The following STIM1 variants were observed in gnomAD, a reference collection of about 807,000 sequenced individuals.
The protein encoded by STIM1 is stromal interaction molecule 1.
A neutral mutation model predicts 74.7 loss-of-function variants in STIM1; 25 were observed. The observed-to-expected ratio is 0.33, with a 90% CI of 0.24 to 0.47. The LOEUF (loss-of-function observed/expected upper bound fraction) is 0.47, where lower values mean the gene tolerates loss of function less well. Ranked by LOEUF, STIM1 falls within the 20% of genes least tolerant of loss-of-function variation. The pLI is 1.00. For missense variants in STIM1, 728 were observed against 920.8 expected, an observed-to-expected ratio of 0.79 and a Z score of 2.71; for synonymous variants, 328 against 348.8, an observed-to-expected ratio of 0.94 and a Z score of 0.66.
chr11:3,894,301 C>A (rs914046814), intron 1 of STIM1, among the ~76,000 whole-genome samples: 2 of 152,036 alleles, frequency 1.3e-5, no homozygotes, highest in African/African-American at 2.4e-5. Flanking sequence ...TAAACTCTTA[C>A]AACAAAAAGG....
chr11:3,877,391 A>T (rs1279209693), intron 1 of STIM1, among the ~76,000 whole-genome samples: 1 of 152,060 alleles, frequency 6.6e-6, no homozygotes, highest in Non-Finnish European at 1.5e-5. Context: ...GGTCACATTT[A>T]CACTGTAGGT....
chr11:4,083,519 G>A, intron 10 of STIM1, 21 bp downstream of exon 10: 1 of 1,598,698 alleles, frequency 6.3e-7, no homozygotes, highest in South Asian at 1.1e-5. Context: ...TCTTTGCGGG[G>A]ATGAAGGAAG....
Position 4,091,740 on chromosome 11 carries a change from C to G in STIM1, c.2093C>G (p.Ser698Cys), listed in dbSNP as rs766934652. The G allele has an allele frequency of 3.1e-6, 5 of 1,612,972 alleles. No individual in the cohort carries two copies. The South Asian group carries it at 4.4e-5, about 14-fold the overall frequency. ...DNGSIGEETDSSPGRKKFPLK... is the reference protein window; with the variant it reads ...DNGSIGEETDCSPGRKKFPLK... ...GGCTCTATTGGCGAGGAAACAGACTCCAGCCCAGGCCGGAAGAAGTTTCCC... is the reference window on the plus strand; with the variant it reads ...GGCTCTATTGGCGAGGAAACAGACTGCAGCCCAGGCCGGAAGAAGTTTCCC... The change falls in exon 13 of 13, where the codon TCC (serine) becomes TGC (cysteine). Residue 698 changes from serine (S) to cysteine (C), a missense_variant. Ser to Cys is a moderately radical substitution (Grantham distance 112). Coordinates refer to ENST00000526596, the MANE Select transcript of STIM1 (RefSeq NM_001382567.1).
At chr11:3,973,100 G>A (rs2093412227) in intron 2 of STIM1, 2 of 426,566 alleles carry the variant, frequency 4.7e-6, no homozygotes, top group African/African-American at 2.0e-5. Flanking sequence ...CACTTCCATA[G>A]CCTCTGCTTC....
chr11:3,918,542 AAAG>A (rs200204726), intron 1 of STIM1, among the ~76,000 whole-genome samples: 16,849 of 69,750 alleles, frequency 0.24, 1,618 homozygotes, highest in East Asian at 0.39. Context: ...TCAAAAAAAA[AAAG>A]AAAGAAAGAA....
intron 2 of STIM1, among the ~76,000 whole-genome samples, chr11:3,994,150 T>C (rs2093640580): frequency 6.6e-6 from 1 of 152,236 alleles, no homozygotes; most frequent in Non-Finnish European, 1.5e-5. Flanking sequence ...GTTGACATCC[T>C]CTCACTTCAG....
Position 3,916,179 on chromosome 11 carries a change from G to A in STIM1, c.140-51373G>A, listed in dbSNP as rs921776471. On this transcript the variant is annotated intron_variant, in intron 1 of 12. Coordinates refer to ENST00000526596, the MANE Select transcript of STIM1 (RefSeq NM_001382567.1). ...ATGTTTTACCTCAAAGAGTTTTATG[G>A]TTTAGCACTTATATTTAGGTCATTG... Among the ~76,000 whole-genome samples the A allele has an allele frequency of 3.5e-4, 53 of 152,232 alleles. 1 individual carries two copies. Among genetic ancestry groups the A allele is most frequent in the Admixed American group, 3.4e-3 (52 of 15,292 alleles).
chr11:3,891,763 C>A (rs1350129550), intron 1 of STIM1, among the ~76,000 whole-genome samples: 1 of 152,092 alleles, frequency 6.6e-6, no homozygotes, highest in Non-Finnish European at 1.5e-5. Context: ...ATGTAACCAC[C>A]ACCTAGATCA....
chr11:3,892,071 G>T (rs1226880741), intron 1 of STIM1, among the ~76,000 whole-genome samples: 2 of 152,260 alleles, frequency 1.3e-5, no homozygotes, highest in Non-Finnish European at 2.9e-5. Context: ...TGTAGACAAA[G>T]ACCTTGATTT....
At chr11:3,969,887 C>CAAA (rs2093374949) in intron 2 of STIM1, among the ~76,000 whole-genome samples, 1 of 152,168 alleles carries the variant, frequency 6.6e-6, no homozygotes, top group African/African-American at 2.4e-5. Flanking sequence ...GTGTCACTGA[C>CAAA]CTGTAAAGGA....
At chr11:4,019,586 GATC>G (rs2093936475) in intron 2 of STIM1, among the ~76,000 whole-genome samples, 1 of 151,840 alleles carries the variant, frequency 6.6e-6, no homozygotes, top group African/African-American at 2.4e-5. Context: ...GAGGCAGGAG[GATC>G]ACCCAGCCTG....
intron 1 of STIM1, among the ~76,000 whole-genome samples, chr11:3,883,489 G>T (rs926460476): frequency 6.6e-6 from 1 of 152,332 alleles, no homozygotes; most frequent in South Asian, 2.1e-4. Flanking sequence ...GAGTAGCTGG[G>T]ATTACAGGCA....
intron 1 of STIM1, among the ~76,000 whole-genome samples, chr11:3,858,224 A>C (rs1473876022): frequency 6.6e-6 from 1 of 150,390 alleles, no homozygotes; most frequent in East Asian, 2.0e-4. Flanking sequence ...TTGGCTGGCT[A>C]TTAGGAAGGT....
intron 1 of STIM1, among the ~76,000 whole-genome samples, chr11:3,886,193 T>C (rs560702601): frequency 4.1e-4 from 62 of 152,366 alleles, no homozygotes; most frequent in African/African-American, 1.4e-3. Flanking sequence ...GCTTGAATTC[T>C]TTATAGAAAA....
In STIM1 at chr11:4,084,748, C is replaced by T; in HGVS notation, c.1550C>T (p.Ser517Phe). 7.8e-7 allele frequency: 1 copy of T among 1,289,396 alleles called. No individual in the cohort carries two copies. The highest frequency in any genetic ancestry group is 1.0e-6 in the Non-Finnish European group (1 of 988,880). 79.9% of individuals were successfully genotyped at this position (1,289,396 alleles called of 1,614,324 possible). A position where few individuals can be genotyped will look rare whatever the true frequency, so the allele number is the denominator to read the frequency against. The change falls in exon 11 of 13, where the codon TCC (serine) becomes TTC (phenylalanine). Residue 517 changes from serine to phenylalanine, a missense_variant. Physicochemically the swap from Ser to Phe is radical, Grantham distance 155. Around this residue, in one of 5 missense-constraint regions of STIM1, gnomAD observed 352 missense variants for 370.1 expected, o/e 0.95. Coordinates refer to ENST00000526596, the MANE Select transcript of STIM1 (RefSeq NM_001382567.1). ...CSTSAGSDDQ[S>F]LWKYPAPSLQ... Reference sequence around the variant, plus strand: ...ACATCCGCCGGCTCGGATGATCAGTCCCTCTGGAAATACCCCGGTTTGAGG... The same window carrying T: ...ACATCCGCCGGCTCGGATGATCAGTTCCTCTGGAAATACCCCGGTTTGAGG...
At chr11:3,892,502 A>G (rs1565103400) in intron 1 of STIM1, 19 of 1,573,764 alleles carry the variant, frequency 1.2e-5, no homozygotes, top group East Asian at 2.2e-5. Context: ...CGCCTTGCCA[A>G]AGACCACATG....
chr11:3,898,066 C>G (rs1038672932), intron 1 of STIM1, among the ~76,000 whole-genome samples: 1 of 152,156 alleles, frequency 6.6e-6, no homozygotes, highest in Non-Finnish European at 1.5e-5. Flanking sequence ...ATTTCTAGTT[C>G]TAGATCCTTG....
intron 2 of STIM1, among the ~76,000 whole-genome samples, chr11:4,017,756 A>G (rs1314614639): frequency 6.6e-6 from 1 of 152,180 alleles, no homozygotes; most frequent in African/African-American, 2.4e-5. Context: ...AGGATAGCAG[A>G]TTTGATCTCT....
At chr11:3,986,990 T>C (rs2093563474) in intron 2 of STIM1, among the ~76,000 whole-genome samples, 1 of 152,234 alleles carries the variant, frequency 6.6e-6, no homozygotes, top group African/African-American at 2.4e-5. Flanking sequence ...TGCCCTCTTT[T>C]ATCTAGCCAC....
Sources: gnomAD v4.1 joint callset for allele counts (sites outside exome capture counted in the v4.1 genomes callset) on GRCh38, gnomAD v4.1.1 for gene constraint, gnomAD v4.1.1 regional missense constraint, MANE v1.5 for transcripts, NCBI Gene and HGNC (gene_info 2026-07-23, HGNC 2026-07-21) for gene names.